Variants in KIAA1328 observed in about 807,000 individuals in gnomAD.
The protein encoded by KIAA1328 is KIAA1328.
Under a neutral mutation model 68.1 loss-of-function variants are expected in KIAA1328, and 52 were observed. The ratio of observed to expected loss-of-function variants is 0.76; its 90% CI spans 0.61 to 0.96. The LOEUF is 0.96. KIAA1328 is among the 40% of genes least tolerant of loss of function. The pLI is 0.00. For synonymous variants in KIAA1328, 232 were observed against 239.4 expected (o/e 0.97, Z 0.28); for missense variants, 641 against 677.6 (o/e 0.95, Z 0.60).
intron 7 of KIAA1328, among the ~76,000 whole-genome samples, chr18:37,132,732 G>A (rs2058551707): frequency 6.6e-6 from 1 of 152,174 alleles, no homozygotes; most frequent in Non-Finnish European, 1.5e-5. Context: ...AGTGGTAAGG[G>A]CTGGAAGATT....
At chr18:36,890,409 G>A (rs965417367) in intron 5 of KIAA1328, among the ~76,000 whole-genome samples, 3 of 152,044 alleles carry the variant, frequency 2.0e-5, no homozygotes, top group African/African-American at 7.2e-5. Context: ...CATGGCTCAC[G>A]CTTATAATCC....
At chr18:36,982,157 T>TATATATATA (rs1307935380) in intron 6 of KIAA1328, among the ~76,000 whole-genome samples, 3 of 16,380 alleles carry the variant, frequency 1.8e-4, no homozygotes, top group South Asian at 0.012. Context: ...ATATATATAA[T>TATATATATA]ATATATATAT....
At chr18:36,956,543 T>TGGGGGG (rs112740428) in intron 5 of KIAA1328, among the ~76,000 whole-genome samples, 7 of 137,214 alleles carry the variant, frequency 5.1e-5, no homozygotes, top group African/African-American at 1.7e-4. Context: ...AGGAAGGAAG[T>TGGGGGG]GGGGGGGGGG....
rs2060610929 is a variant in KIAA1328, at chr18:37,224,255, A to G, written c.*2028A>G. ...AGTGAGAGGATGCCAGAGGATCAAG[A>G]AAAGGATCACAGTTTCTTGAAGAAG... On this transcript the variant is annotated 3_prime_UTR_variant, in exon 10 of 10. Transcript: ENST00000280020. 4 of 985,344 alleles carry G rather than the reference A, an allele frequency of 4.1e-6. No individual in the cohort carries two copies. The highest frequency in any genetic ancestry group is 9.4e-5 in the South Asian group (2 of 21,294). 61.0% of individuals were successfully genotyped at this position (985,344 alleles called of 1,614,324 possible). A position where few individuals can be genotyped will look rare whatever the true frequency, so the allele number is the denominator to read the frequency against.
chr18:37,170,431 A>C (rs565914727), intron 8 of KIAA1328, among the ~76,000 whole-genome samples: 90 of 152,344 alleles, frequency 5.9e-4, no homozygotes, highest in Middle Eastern at 3.4e-3. Flanking sequence ...TAATGAGATG[A>C]TACATTTAAA....
intron 7 of KIAA1328, among the ~76,000 whole-genome samples, chr18:37,077,879 A>G (rs1240961877): frequency 6.6e-6 from 1 of 151,954 alleles, no homozygotes; most frequent in Non-Finnish European, 1.5e-5. Context: ...GGAAGAATCA[A>G]TATTGTGAAA....
chr18:37,011,404 A>G (rs1203815215), intron 6 of KIAA1328, among the ~76,000 whole-genome samples: 2 of 152,152 alleles, frequency 1.3e-5, no homozygotes, highest in Non-Finnish European at 2.9e-5. Flanking sequence ...TCCAGATCCA[A>G]TCCATCACCA....
chr18:37,115,581 A>G (rs2151915920), intron 7 of KIAA1328, among the ~76,000 whole-genome samples: 1 of 152,342 alleles, frequency 6.6e-6, no homozygotes, highest in East Asian at 1.9e-4. Context: ...AAAAACTGGA[A>G]GCATTCCCTT....
chr18:36,845,360 GCTATTACT>G (rs1357287292), intron 4 of KIAA1328, among the ~76,000 whole-genome samples: 1 of 151,610 alleles, frequency 6.6e-6, no homozygotes, highest in African/African-American at 2.4e-5. Context: ...TTCTTGTGAG[GCTATTACT>G]ACATAATAAG....
intron 4 of KIAA1328, among the ~76,000 whole-genome samples, chr18:36,882,286 T>G (rs1568118212): frequency 1.3e-5 from 2 of 152,174 alleles, no homozygotes; most frequent in Non-Finnish European, 2.9e-5. Flanking sequence ...GTCTTTTTAT[T>G]TTACTTTGTG....
chr18:37,158,114 G>GC (rs1390127317), intron 7 of KIAA1328, among the ~76,000 whole-genome samples: 2 of 151,326 alleles, frequency 1.3e-5, no homozygotes. Context: ...CTCACTATAA[G>GC]CCCAAACTCC....
In KIAA1328 at chr18:37,224,896, T is replaced by C. The variant is rs2060619873; in HGVS notation, c.*2669T>C. On this transcript the variant is annotated 3_prime_UTR_variant, in exon 10 of 10. Transcript: ENST00000280020. Reference sequence around the variant, plus strand: ...ATGGAAAAGGACACAGCATGTCCTTTGAACTCCCTAAGTAAGGCCCACAGT... The same window carrying C: ...ATGGAAAAGGACACAGCATGTCCTTCGAACTCCCTAAGTAAGGCCCACAGT... 1 of 985,440 alleles carries C rather than the reference T, an allele frequency of 1.0e-6. No individual in the cohort carries two copies. Among genetic ancestry groups the C allele is most frequent in the South Asian group, 4.7e-5 (1 of 21,288 alleles). The allele number at this position is 985,440 out of a possible 1,614,324, so 61.0% of individuals were successfully genotyped here. A position where few individuals can be genotyped will look rare whatever the true frequency, so the allele number is the denominator to read the frequency against.
At chr18:37,097,962 G>A (rs957109458) in intron 7 of KIAA1328, among the ~76,000 whole-genome samples, 1 of 152,148 alleles carries the variant, frequency 6.6e-6, no homozygotes, top group African/African-American at 2.4e-5. Flanking sequence ...ATCAGCTTAA[G>A]GAGATTTTGG....
At chr18:37,000,433 C>T (rs1008924095) in intron 6 of KIAA1328, among the ~76,000 whole-genome samples, 2 of 152,196 alleles carry the variant, frequency 1.3e-5, no homozygotes, top group African/African-American at 4.8e-5. Context: ...ACCCCACTCT[C>T]AGCATTAGAT....
intron 7 of KIAA1328, among the ~76,000 whole-genome samples, chr18:37,100,260 C>T (rs1389207132): frequency 6.6e-6 from 1 of 152,140 alleles, no homozygotes; most frequent in Non-Finnish European, 1.5e-5. Flanking sequence ...TCAGGCAATT[C>T]CCTTTCCTAG....
intron 9 of KIAA1328, chr18:37,193,606 A>G (rs753846519): frequency 8.5e-6 from 6 of 702,692 alleles, no homozygotes; most frequent in Non-Finnish European, 1.6e-5. Context: ...GAATCTCCAC[A>G]AAGATCTGCT....
intron 6 of KIAA1328, among the ~76,000 whole-genome samples, chr18:37,001,450 A>T (rs993727860): frequency 1.3e-5 from 2 of 152,186 alleles, no homozygotes; most frequent in Non-Finnish European, 2.9e-5. Context: ...CATATTAAGA[A>T]AAACTAATAT....
intron 5 of KIAA1328, among the ~76,000 whole-genome samples, chr18:36,937,522 CA>C (rs1484525611): frequency 6.6e-6 from 1 of 152,042 alleles, no homozygotes; most frequent in Non-Finnish European, 1.5e-5. Context: ...AGAAAAAAAT[CA>C]ACCCATCAAA....
chr18:37,116,437 C>T (rs1442984297), intron 7 of KIAA1328, among the ~76,000 whole-genome samples: 1 of 152,040 alleles, frequency 6.6e-6, no homozygotes, highest in Non-Finnish European at 1.5e-5. Flanking sequence ...ATAAATGGTG[C>T]TGGGAAAACT....
Sources: allele counts gnomAD v4.1 joint callset (sites outside exome capture counted in the v4.1 genomes callset), GRCh38; gene constraint gnomAD v4.1.1; transcripts MANE v1.5; gene names NCBI Gene and HGNC (gene_info 2026-07-23, HGNC 2026-07-21).